The following FAM184A variants were observed in gnomAD, a reference collection of about 807,000 sequenced individuals.
The protein encoded by FAM184A is protein FAM184A.
FAM184A carries 99 observed loss-of-function variants against 143.8 expected under a neutral mutation model. The observed-to-expected ratio is 0.69, with a 90% confidence interval of 0.58 to 0.81. The LOEUF (loss-of-function observed/expected upper bound fraction) is 0.81. FAM184A is among the 40% of genes least tolerant of loss of function. FAM184A has a pLI of 0.00. For missense variants in FAM184A, 1,217 were observed against 1,310.5 expected, an observed-to-expected ratio of 0.93 and a Z score of 1.10; for synonymous variants, 427 against 446.4, an observed-to-expected ratio of 0.96 and a Z score of 0.55.
intron 1 of FAM184A, among the ~76,000 whole-genome samples, chr6:119,073,411 AT>A (rs2114792704): frequency 6.6e-6 from 1 of 152,358 alleles, no homozygotes; most frequent in East Asian, 1.9e-4. Context: ...ATAACAAGGT[AT>A]TAAAAGGGAA....
At chr6:118,970,008 A>ATATATATATATATATATATATAT in intron 14 of FAM184A, among the ~76,000 whole-genome samples, 1 of 19,052 alleles carries the variant, frequency 5.2e-5, no homozygotes, top group Non-Finnish European at 1.1e-4. Flanking sequence ...ATATATATAT[A>ATATATATATATATATATATATAT]TTTTTTTTTT....
chr6:119,117,006 A>T (rs368759060), intron 1 of FAM184A, among the ~76,000 whole-genome samples: 3 of 152,208 alleles, frequency 2.0e-5, no homozygotes, highest in African/African-American at 7.2e-5. Flanking sequence ...CCCAGACAGG[A>T]TAGTATCTGC....
At chr6:119,023,179 C>A in intron 2 of FAM184A, 99 bp from the exon 3 acceptor site, 1 of 1,279,076 alleles carries the variant, frequency 7.8e-7, no homozygotes, top group Non-Finnish European at 1.1e-6. Context: ...ATTCAGAAGT[C>A]ATACTAAACT....
intron 1 of FAM184A, among the ~76,000 whole-genome samples, chr6:119,119,757 G>T (rs897919509): frequency 6.6e-6 from 1 of 152,088 alleles, no homozygotes; most frequent in Non-Finnish European, 1.5e-5. Context: ...GATTACTTGA[G>T]TCCAGGAGTT....
At chr6:119,005,515 T>G (rs1308712576) in intron 7 of FAM184A, 1 of 152,110 alleles carries the variant, frequency 6.6e-6, no homozygotes, top group African/African-American at 2.4e-5. Flanking sequence ...ATTTACTGAG[T>G]GTTTACTATT....
At chr6:119,124,859 A>G (rs1789314800) in intron 1 of FAM184A, among the ~76,000 whole-genome samples, 1 of 152,146 alleles carries the variant, frequency 6.6e-6, no homozygotes, top group Non-Finnish European at 1.5e-5. Context: ...ATTTGTTTTT[A>G]GCTTTCATGA....
intron 1 of FAM184A, among the ~76,000 whole-genome samples, chr6:119,117,364 T>C (rs1287769858): frequency 2.0e-5 from 3 of 152,240 alleles, no homozygotes; most frequent in Non-Finnish European, 4.4e-5. Context: ...GAGATCCATG[T>C]AGAGAATGTT....
At chr6:119,076,679 T>C (rs183022539) in intron 1 of FAM184A, among the ~76,000 whole-genome samples, 62 of 152,334 alleles carry the variant, frequency 4.1e-4, no homozygotes, top group Admixed American at 2.2e-3. Context: ...GAACAGTGGA[T>C]GTTATGGACA....
chr6:119,107,299 G>A (rs1788811874), intron 1 of FAM184A, among the ~76,000 whole-genome samples: 1 of 152,008 alleles, frequency 6.6e-6, no homozygotes, highest in Admixed American at 6.6e-5. Flanking sequence ...TGAAAAAAAA[G>A]ACACTAGAAA....
At chr6:119,058,175 CTTTTT>C (rs5879483) in intron 1 of FAM184A, among the ~76,000 whole-genome samples, 6 of 89,714 alleles carry the variant, frequency 6.7e-5, no homozygotes, top group African/African-American at 1.7e-4. Context: ...CTCCTTCTCT[CTTTTT>C]TTTTTTTTTT....
intron 1 of FAM184A, among the ~76,000 whole-genome samples, chr6:119,103,461 C>A (rs761023461): frequency 3.4e-4 from 52 of 152,254 alleles, no homozygotes; most frequent in South Asian, 6.2e-4. Flanking sequence ...TGGTGGTAGA[C>A]CTTCCATCCC....
At chr6:118,988,725 T>A (rs560940000) in intron 9 of FAM184A, among the ~76,000 whole-genome samples, 253 of 152,296 alleles carry the variant, frequency 1.7e-3, no homozygotes, top group African/African-American at 5.7e-3. Context: ...TTTGGCAAAA[T>A]TATTTACAAC....
At chr6:118,987,873 C>T (rs2114602288) in intron 9 of FAM184A, among the ~76,000 whole-genome samples, 1 of 152,104 alleles carries the variant, frequency 6.6e-6, no homozygotes, top group South Asian at 2.1e-4. Flanking sequence ...TAAATATATG[C>T]TTATTAATAC....
intron 1 of FAM184A, among the ~76,000 whole-genome samples, chr6:119,049,150 C>T (rs1232450092): frequency 6.6e-6 from 1 of 152,176 alleles, no homozygotes; most frequent in Non-Finnish European, 1.5e-5. Flanking sequence ...GATCCTGGTA[C>T]AAAAACAGAC....
intron 1 of FAM184A, among the ~76,000 whole-genome samples, chr6:119,027,414 T>C (rs1785672327): frequency 6.6e-6 from 1 of 152,164 alleles, no homozygotes; most frequent in African/African-American, 2.4e-5. Context: ...ATATATTTGG[T>C]CTCTTCCCCC....
At chr6:119,004,541 C>T (rs1266875315) in intron 7 of FAM184A, among the ~76,000 whole-genome samples, 3 of 152,154 alleles carry the variant, frequency 2.0e-5, no homozygotes, top group African/African-American at 4.8e-5. Context: ...TTTAATTTTC[C>T]GCCAAAGGCA....
intron 1 of FAM184A, among the ~76,000 whole-genome samples, chr6:119,076,695 TAAGAGA>T (rs1787884242): frequency 6.6e-6 from 1 of 151,976 alleles, no homozygotes; most frequent in Non-Finnish European, 1.5e-5. Context: ...GGACACATCA[TAAGAGA>T]AAATCAGAAT....
chr6:119,090,177 A>G (rs574512410), intron 1 of FAM184A, among the ~76,000 whole-genome samples: 1 of 152,374 alleles, frequency 6.6e-6, no homozygotes, highest in South Asian at 2.1e-4. Flanking sequence ...GATAAGGAAA[A>G]GCCATTGAAG....
rs149774369 is a variant in FAM184A at position 119,025,921 on chromosome 6, A to G, written c.160-1108T>C. ...GCCATTTTTTGTAGAGAAATTATTC[A>G]TGCAGCCTGAGGTAACTGTGGCAGA... is the stretch of plus-strand genomic sequence containing the variant. On this transcript the variant is annotated intron_variant, in intron 1 of 17. Coordinates refer to ENST00000338891, the MANE Select transcript of FAM184A (RefSeq NM_024581.6). Among the ~76,000 whole-genome samples, 1,320 of 152,316 alleles carry G rather than the reference A, an allele frequency of 8.7e-3. 6 individuals carry two copies. Among genetic ancestry groups the G allele is most frequent in the Middle Eastern group, 0.02 (6 of 294 alleles).
Sources: gnomAD v4.1 joint callset for allele counts (sites outside exome capture counted in the v4.1 genomes callset) on GRCh38, gnomAD v4.1.1 for gene constraint, MANE v1.5 for transcripts, NCBI Gene and HGNC (gene_info 2026-07-23, HGNC 2026-07-21) for gene names.